The following APBB2 variants were observed in gnomAD, a reference collection of about 807,000 sequenced individuals.
APBB2 encodes the protein Fe65-like 1.
A neutral mutation model predicts 82.5 loss-of-function variants in APBB2; 38 were observed. That is an observed-to-expected ratio of 0.46 (90% CI 0.36 to 0.60). The LOEUF (loss-of-function observed/expected upper bound fraction) is 0.60. APBB2 is among the 20% of genes least tolerant of loss of function. APBB2 has a pLI of 0.00. For missense variants in APBB2, 772 were observed against 972.3 expected (o/e 0.79, Z 2.74); for synonymous variants, 341 against 368.2 (o/e 0.93, Z 0.85).
chr4:41,162,523 T>C (rs182235717), intron 1 of APBB2, among the ~76,000 whole-genome samples: 10 of 152,148 alleles, frequency 6.6e-5, no homozygotes, highest in African/African-American at 2.4e-4. Context: ...TATCTCACCC[T>C]CTACATAGAC....
chr4:40,916,715 C>T (rs1009528361), intron 10 of APBB2, among the ~76,000 whole-genome samples: 1 of 152,098 alleles, frequency 6.6e-6, no homozygotes, highest in African/African-American at 2.4e-5. Flanking sequence ...ATTCTGAGAG[C>T]GAGCATGACT....
At chr4:41,075,999 G>C (rs189079616) in intron 3 of APBB2, among the ~76,000 whole-genome samples, 11 of 152,240 alleles carry the variant, frequency 7.2e-5, no homozygotes, top group African/African-American at 2.6e-4. Context: ...ATTACAACCC[G>C]GTGCTTATCT....
intron 10 of APBB2, among the ~76,000 whole-genome samples, chr4:40,907,379 A>ATATATATATATATTT (rs1491382228): frequency 2.7e-5 from 1 of 37,398 alleles, no homozygotes; most frequent in African/African-American, 1.2e-4. Flanking sequence ...ATATATATAT[A>ATATATATATATATTT]TTTTTTTTTT....
At chr4:40,934,409 T>C (rs749118524) in intron 10 of APBB2, 47 bp downstream of exon 10, 11 of 1,562,688 alleles carry the variant, frequency 7.0e-6, no homozygotes, top group Non-Finnish European at 8.8e-6. Flanking sequence ...AGTCATTATT[T>C]GGATCTAAGA....
chr4:40,852,744 G>A (rs1163070014), intron 12 of APBB2, among the ~76,000 whole-genome samples: 1 of 152,068 alleles, frequency 6.6e-6, no homozygotes, highest in African/African-American at 2.4e-5. Context: ...AGGTTCAAGA[G>A]ATTCTCGTGC....
At chr4:41,016,095 T>A (rs1187616236) in intron 5 of APBB2, among the ~76,000 whole-genome samples, 1 of 152,162 alleles carries the variant, frequency 6.6e-6, no homozygotes, top group East Asian at 1.9e-4. Context: ...AGAGCATAGA[T>A]ACATGAGAGA....
chr4:40,995,068 G>C (rs994435593), intron 6 of APBB2, among the ~76,000 whole-genome samples: 3 of 151,938 alleles, frequency 2.0e-5, no homozygotes, highest in Non-Finnish European at 2.9e-5. Flanking sequence ...GAAGGACAGC[G>C]CGCCTCAGAC....
intron 6 of APBB2, among the ~76,000 whole-genome samples, chr4:40,999,004 T>C (rs1020712526): frequency 6.6e-6 from 1 of 152,096 alleles, no homozygotes; most frequent in Non-Finnish European, 1.5e-5. Context: ...GAATTTTCCA[T>C]GGAATTTTTT....
At chr4:41,138,553 G>A (rs557376160) in intron 2 of APBB2, among the ~76,000 whole-genome samples, 1 of 152,248 alleles carries the variant, frequency 6.6e-6, no homozygotes, top group South Asian at 2.1e-4. Flanking sequence ...ATTTGAACAG[G>A]TATTTCTCCA....
intron 6 of APBB2, among the ~76,000 whole-genome samples, chr4:41,009,959 G>A (rs1355733670): frequency 6.6e-6 from 1 of 152,120 alleles, no homozygotes; most frequent in Non-Finnish European, 1.5e-5. Flanking sequence ...TGTTTCACAG[G>A]AAGGATGAAA....
At chr4:41,127,000 T>C (rs914095447) in intron 2 of APBB2, among the ~76,000 whole-genome samples, 1 of 152,202 alleles carries the variant, frequency 6.6e-6, no homozygotes, top group African/African-American at 2.4e-5. Context: ...CATAACACTG[T>C]TGGAATCACT....
chr4:40,874,007 T>C (rs1316010520), intron 12 of APBB2, among the ~76,000 whole-genome samples: 1 of 152,214 alleles, frequency 6.6e-6, no homozygotes, highest in African/African-American at 2.4e-5. Flanking sequence ...TGGCTTACAA[T>C]AAAAGGCACA....
chr4:40,934,227 G>A (rs1346131215), intron 10 of APBB2, among the ~76,000 whole-genome samples: 1 of 152,210 alleles, frequency 6.6e-6, no homozygotes, highest in East Asian at 1.9e-4. Context: ...GCAAAGAGCT[G>A]ACGTAGTGAG....
At chr4:40,881,330 T>G (rs1313175403) in intron 12 of APBB2, 2 of 985,070 alleles carry the variant, frequency 2.0e-6, no homozygotes, top group Non-Finnish European at 2.4e-6. Context: ...CATCAGTCTT[T>G]CATTACTGAC....
chr4:40,825,789 GA>G, intron 15 of APBB2, 97 bp downstream of exon 15: 1 of 867,880 alleles, frequency 1.2e-6, no homozygotes, highest in Non-Finnish European at 2.0e-6. Flanking sequence ...GACAAGGCGT[GA>G]GAGTAAACAG....
chr4:40,907,981 GGT>G (rs755862137), intron 10 of APBB2, among the ~76,000 whole-genome samples: 15 of 140,060 alleles, frequency 1.1e-4, no homozygotes, highest in Non-Finnish European at 2.2e-4. Flanking sequence ...GTGTCTGTGT[GGT>G]GTGTGTGTGT....
chr4:41,111,789 T>C (rs1437052135), intron 2 of APBB2, among the ~76,000 whole-genome samples: 2 of 152,264 alleles, frequency 1.3e-5, no homozygotes, highest in African/African-American at 4.8e-5. Flanking sequence ...CAATTCCCTA[T>C]ATTCTCATTT....
intron 4 of APBB2, among the ~76,000 whole-genome samples, chr4:41,041,680 A>G (rs1234292442): frequency 6.6e-6 from 1 of 152,214 alleles, no homozygotes; most frequent in Non-Finnish European, 1.5e-5. Flanking sequence ...TTTCGCAAAA[A>G]TACTTAAGGA....
At chr4:41,064,856 C>T (rs915926504) in intron 4 of APBB2, among the ~76,000 whole-genome samples, 1 of 152,092 alleles carries the variant, frequency 6.6e-6, no homozygotes, top group Admixed American at 6.5e-5. Context: ...TCTTCTGGGT[C>T]CATGAATTTT....
Sources: gnomAD v4.1 joint callset for allele counts (sites outside exome capture counted in the v4.1 genomes callset) on GRCh38, gnomAD v4.1.1 for gene constraint, MANE v1.5 for transcripts, NCBI Gene and HGNC (gene_info 2026-07-23, HGNC 2026-07-21) for gene names.